The following LMNB1 variants were observed in gnomAD, a reference collection of about 807,000 sequenced individuals.
LMNB1 encodes the protein lamin B1.
A neutral mutation model predicts 67.1 loss-of-function variants in LMNB1; 23 were observed. That is an observed-to-expected ratio of 0.34 (90% CI 0.25 to 0.49). LMNB1 has a LOEUF of 0.49. Among genes scored for constraint, LMNB1 ranks in the 20% least tolerant of loss-of-function variants. The pLI, the probability that LMNB1 is intolerant of heterozygous loss-of-function variation, is 0.99. For missense variants in LMNB1, 634 were observed against 746.5 expected (o/e 0.85, Z 1.76); for synonymous variants, 281 against 282.9 (o/e 0.99, Z 0.07).
chr5:126,816,094 A>G (rs771046818), intron 5 of LMNB1, among the ~76,000 whole-genome samples: 30 of 151,648 alleles, frequency 2.0e-4, no homozygotes, highest in Middle Eastern at 3.4e-3. Context: ...TTGAACTTAC[A>G]TGACTTTTTT....
intron 1 of LMNB1, among the ~76,000 whole-genome samples, chr5:126,802,425 A>G (rs1751307338): frequency 6.6e-6 from 1 of 152,188 alleles, no homozygotes; most frequent in African/African-American, 2.4e-5. Context: ...AGTTTTAAGA[A>G]CAGGTATTAA....
chr5:126,798,733 A>G (rs1242433989), intron 1 of LMNB1, among the ~76,000 whole-genome samples: 1 of 151,296 alleles, frequency 6.6e-6, no homozygotes, highest in Non-Finnish European at 1.5e-5. Flanking sequence ...AAAACACATG[A>G]TACATTTTAC....
chr5:126,787,546 A>ATATATATATATTTTTTTTT, intron 1 of LMNB1, among the ~76,000 whole-genome samples: 2 of 65,570 alleles, frequency 3.1e-5, no homozygotes, highest in African/African-American at 6.6e-5. Context: ...ATATATATAT[A>ATATATATATATTTTTTTTT]TTTTTTTTTT....
At chr5:126,786,043 A>T (rs1041494014) in intron 1 of LMNB1, among the ~76,000 whole-genome samples, 1 of 151,688 alleles carries the variant, frequency 6.6e-6, no homozygotes, top group Admixed American at 6.6e-5. Flanking sequence ...CAGGAAAAAA[A>T]AAAGCTGACA....
intron 1 of LMNB1, among the ~76,000 whole-genome samples, chr5:126,788,609 C>T (rs1017769103): frequency 3.9e-5 from 6 of 152,122 alleles, no homozygotes; most frequent in South Asian, 2.1e-4. Context: ...GCTGAGATTG[C>T]GCCTCTGCAC....
intron 9 of LMNB1, among the ~76,000 whole-genome samples, chr5:126,827,353 G>C (rs1444383574): frequency 6.6e-6 from 1 of 152,148 alleles, no homozygotes; most frequent in East Asian, 1.9e-4. Flanking sequence ...TCTGATAAAG[G>C]TAATAAAGAT....
intron 1 of LMNB1, among the ~76,000 whole-genome samples, chr5:126,778,229 G>A (rs1050821605): frequency 6.6e-6 from 1 of 151,992 alleles, no homozygotes; most frequent in Non-Finnish European, 1.5e-5. Flanking sequence ...GGTGCGGGGA[G>A]CTGGAGCGCG....
Sources: gnomAD v4.1 joint callset for allele counts (sites outside exome capture counted in the v4.1 genomes callset) on GRCh38, gnomAD v4.1.1 for gene constraint, MANE v1.5 for transcripts, NCBI Gene and HGNC (gene_info 2026-07-23, HGNC 2026-07-21) for gene names.